Variants in RFFL observed in about 807,000 individuals in gnomAD.
The protein encoded by RFFL is E3 ubiquitin-protein ligase rififylin.
A neutral mutation model predicts 40.4 loss-of-function variants in RFFL; 16 were observed. That is an observed-to-expected ratio of 0.40 (90% confidence interval 0.27 to 0.60). The LOEUF (loss-of-function observed/expected upper bound fraction) is 0.60. Ranked by LOEUF, RFFL falls within the 20% of genes least tolerant of loss-of-function variation. RFFL has a pLI of 0.47. For missense variants in RFFL, 367 were observed against 451.7 expected, an observed-to-expected ratio of 0.81 and a Z score of 1.70; for synonymous variants, 154 against 167.9, an observed-to-expected ratio of 0.92 and a Z score of 0.64.
In RFFL at chr17:35,026,523, G is replaced by A. The variant is rs2142327738; in HGVS notation, c.31C>T (p.Leu11=). MWATCCNWFC[L]DGQPEEVPPP... is the part of the protein sequence containing the mutation. ...GGGACCTCCTCAGGCTGTCCATCCA[G>A]GCAGAACCAGTTGCAGCAGGTTGCC... Residue 11 remains leucine, a synonymous_variant, in exon 2 of 7, where the codon CTG becomes TTG. Coordinates refer to ENST00000394597, the MANE Select transcript of RFFL (RefSeq NM_001017368.2). 1.2e-6 allele frequency: 2 copies of A among 1,611,546 alleles called. No homozygotes were observed. The highest frequency in any genetic ancestry group is 1.3e-5 in the African/African-American group (1 of 74,872).
intron 1 of RFFL, among the ~76,000 whole-genome samples, chr17:35,059,291 T>A (rs1470704594): frequency 6.6e-6 from 1 of 152,034 alleles, no homozygotes; most frequent in East Asian, 1.9e-4. Context: ...AGTGCTGAGA[T>A]TACAGGCATG....
At chr17:35,064,618 T>C (rs2091311356), upstream of RFFL, among the ~76,000 whole-genome samples, 1 of 152,000 alleles carries the variant, frequency 6.6e-6, no homozygotes, top group African/African-American at 2.4e-5. Context: ...GAAACTAAAG[T>C]TCCTATTAGA....
intron 1 of RFFL, among the ~76,000 whole-genome samples, chr17:35,051,603 C>T (rs2091232188): frequency 6.6e-6 from 1 of 152,206 alleles, no homozygotes; most frequent in African/African-American, 2.4e-5. Flanking sequence ...GTACTGACAT[C>T]TGACTTAAGC....
At chr17:35,073,101 A>C (rs1023775605) in intron 1 of RFFL, among the ~76,000 whole-genome samples, 19 of 152,264 alleles carry the variant, frequency 1.2e-4, no homozygotes, top group Non-Finnish European at 2.6e-4. Flanking sequence ...GGGAGCTAAA[A>C]AAGGCAAAAT....
intron 1 of RFFL, among the ~76,000 whole-genome samples, chr17:35,059,652 T>C (rs552401116): frequency 1.9e-4 from 29 of 152,214 alleles, no homozygotes; most frequent in Non-Finnish European, 3.4e-4. Flanking sequence ...CAAAAAATTC[T>C]TTCTCGTATT....
chr17:35,017,873 A>G (rs186648326), intron 3 of RFFL, among the ~76,000 whole-genome samples: 164 of 152,230 alleles, frequency 1.1e-3, no homozygotes, highest in African/African-American at 3.8e-3. Context: ...AGTAGCCACA[A>G]CTCATCATCA....
intron 6 of RFFL, 65 bp from the exon 7 acceptor site, chr17:35,012,214 G>A (rs1464573210): frequency 7.2e-6 from 10 of 1,384,912 alleles, no homozygotes; most frequent in Non-Finnish European, 1.0e-5. Flanking sequence ...TAAGTGTATA[G>A]GGGTGACTGG....
upstream of RFFL, among the ~76,000 whole-genome samples, chr17:35,067,440 T>C (rs891318984): frequency 6.7e-6 from 1 of 148,264 alleles, no homozygotes; most frequent in Non-Finnish European, 1.5e-5. Context: ...TTAATAAGTA[T>C]CTCTCTCTTC....
intron 5 of RFFL, among the ~76,000 whole-genome samples, chr17:35,015,973 C>T (rs779072985): frequency 9.9e-5 from 15 of 152,204 alleles, no homozygotes; most frequent in Non-Finnish European, 2.1e-4. Context: ...TATGTAGATT[C>T]ACTTTCTACC....
At chr17:35,067,095 G>A (rs553813868), upstream of RFFL, among the ~76,000 whole-genome samples, 27 of 151,860 alleles carry the variant, frequency 1.8e-4, no homozygotes, top group African/African-American at 6.3e-4. Flanking sequence ...AGCAGACATG[G>A]AGGGAGGCCC....
intron 1 of RFFL, among the ~76,000 whole-genome samples, chr17:35,069,920 T>A (rs1229134282): frequency 6.6e-6 from 1 of 151,556 alleles, no homozygotes; most frequent in Non-Finnish European, 1.5e-5. Flanking sequence ...CTTTAAAAAA[T>A]TCACATTAAA....
chr17:35,072,587 G>GCACACACACACACACACATGCA (rs35045668), intron 1 of RFFL, among the ~76,000 whole-genome samples: 1 of 146,270 alleles, frequency 6.8e-6, no homozygotes, highest in African/African-American at 2.5e-5. Flanking sequence ...ACACACACAT[G>GCACACACACACACACACATGCA]CACACACACA....
At chr17:35,086,925 G>C (rs935570150) in intron 1 of RFFL, among the ~76,000 whole-genome samples, 2 of 152,182 alleles carry the variant, frequency 1.3e-5, no homozygotes, top group Non-Finnish European at 2.9e-5. Context: ...TAGGCATGAC[G>C]CTCATAGAGA....
chr17:35,020,822 C>T (rs1452914208), intron 3 of RFFL, among the ~76,000 whole-genome samples: 1 of 152,134 alleles, frequency 6.6e-6, no homozygotes, highest in Non-Finnish European at 1.5e-5. Flanking sequence ...TCCAAGCCCC[C>T]CAGGATAATG....
At chr17:35,059,841 A>G (rs1038031998) in intron 1 of RFFL, among the ~76,000 whole-genome samples, 1 of 152,164 alleles carries the variant, frequency 6.6e-6, no homozygotes, top group Non-Finnish European at 1.5e-5. Context: ...TTTAAAACTT[A>G]TAATGATAAG....
chr17:35,045,993 C>T (rs2091197865), intron 1 of RFFL, among the ~76,000 whole-genome samples: 1 of 150,450 alleles, frequency 6.6e-6, no homozygotes, highest in Non-Finnish European at 1.5e-5. Flanking sequence ...ACACTGCACT[C>T]CACCCTGGCT....
chr17:35,021,226 A>T (rs553986248), intron 3 of RFFL, 145 bp downstream of exon 3: 21 of 774,830 alleles, frequency 2.7e-5, no homozygotes, highest in Non-Finnish European at 4.1e-5. Flanking sequence ...CCCAGAAAAC[A>T]CTTGGTGCAC....
chr17:35,039,219 T>A (rs1234431615), intron 1 of RFFL, among the ~76,000 whole-genome samples: 1 of 151,298 alleles, frequency 6.6e-6, no homozygotes, highest in African/African-American at 2.4e-5. Flanking sequence ...TATGACAGAT[T>A]TTTTTCTTTT....
At chr17:35,028,381 C>A (rs1354164588) in intron 1 of RFFL, among the ~76,000 whole-genome samples, 2 of 151,740 alleles carry the variant, frequency 1.3e-5, no homozygotes, top group Non-Finnish European at 2.9e-5. Flanking sequence ...TCCCATAGTA[C>A]ATATCAAATG....
Sources: allele counts gnomAD v4.1 joint callset (sites outside exome capture counted in the v4.1 genomes callset), GRCh38; gene constraint gnomAD v4.1.1; transcripts MANE v1.5; gene names NCBI Gene and HGNC (gene_info 2026-07-23, HGNC 2026-07-21).